Variants in LRMDA observed in about 807,000 individuals in gnomAD.
LRMDA encodes leucine-rich melanocyte differentiation-associated protein.
In LRMDA, 18 loss-of-function variants were observed where a neutral mutation model predicts 29.8. That is an observed-to-expected ratio of 0.60 (90% CI 0.42 to 0.90). The LOEUF (loss-of-function observed/expected upper bound fraction) is 0.90. Among genes scored for constraint, LRMDA ranks in the 40% least tolerant of loss-of-function variants. The pLI is 0.00. For missense variants in LRMDA, 273 were observed against 273.9 expected (o/e 1.00, Z 0.02); for synonymous variants, 125 against 109.4 (o/e 1.14, Z -0.89).
chr10:76,234,436 A>G lies in LRMDA; in HGVS notation c.517-89965A>G, dbSNP rs146912381. 2.0e-3 allele frequency among the ~76,000 whole-genome samples: 309 copies of G among 152,324 alleles called. 5 individuals are homozygous for G. Among genetic ancestry groups the G allele is most frequent in the African/African-American group, 6.7e-3 (280 of 41,586 alleles). On this transcript the variant is annotated intron_variant, in intron 5 of 6. Transcript: ENST00000611255. ...AGAATTTTTGGAATGATAAATGAACATTGGCTTCAACTTAAAGTCGCCAGA... is the reference window on the plus strand; with the variant it reads ...AGAATTTTTGGAATGATAAATGAACGTTGGCTTCAACTTAAAGTCGCCAGA...
intron 5 of LRMDA, among the ~76,000 whole-genome samples, chr10:76,109,872 C>T (rs1849548613): frequency 6.6e-6 from 1 of 152,156 alleles, no homozygotes; most frequent in African/African-American, 2.4e-5. Context: ...CCTGGCCACT[C>T]TTACATCACC....
chr10:76,026,250 G>C (rs748843571), intron 2 of LRMDA, among the ~76,000 whole-genome samples: 1 of 152,322 alleles, frequency 6.6e-6, no homozygotes, highest in Non-Finnish European at 1.5e-5. Context: ...AGGATGTGGC[G>C]ATGGTGAATT....
chr10:76,363,276 A>AAGGAAGGAAGGAAGG (rs1218743181), intron 6 of LRMDA, among the ~76,000 whole-genome samples: 5 of 58,870 alleles, frequency 8.5e-5, no homozygotes, highest in East Asian at 3.7e-4. Flanking sequence ...GGAAGGAAGG[A>AAGGAAGGAAGGAAGG]AAGGAAGGAA....
intron 2 of LRMDA, among the ~76,000 whole-genome samples, chr10:75,557,388 A>T (rs1169752672): frequency 6.6e-6 from 1 of 151,974 alleles, no homozygotes; most frequent in Non-Finnish European, 1.5e-5. Flanking sequence ...ATATTAATGG[A>T]CTAAACACCC....
At chr10:75,868,396 C>A (rs1292652314) in intron 2 of LRMDA, among the ~76,000 whole-genome samples, 2 of 152,136 alleles carry the variant, frequency 1.3e-5, no homozygotes, top group Non-Finnish European at 2.9e-5. Flanking sequence ...TATATTTTCA[C>A]TGTCTGTATT....
At chr10:76,546,769 C>CTGTT (rs145839028) in intron 6 of LRMDA, among the ~76,000 whole-genome samples, 15 of 152,036 alleles carry the variant, frequency 9.9e-5, no homozygotes, top group East Asian at 5.8e-4. Flanking sequence ...ACCTTTATTG[C>CTGTT]TGTTTGTTTG....
At chr10:76,377,833 T>C (rs1841540291) in intron 6 of LRMDA, among the ~76,000 whole-genome samples, 1 of 152,204 alleles carries the variant, frequency 6.6e-6, no homozygotes, top group Non-Finnish European at 1.5e-5. Context: ...CTTTTTTCTT[T>C]TTGCTTAGGA....
chr10:75,726,641 C>T (rs1842634416), intron 2 of LRMDA, among the ~76,000 whole-genome samples: 1 of 152,192 alleles, frequency 6.6e-6, no homozygotes, highest in African/African-American at 2.4e-5. Context: ...TGGTAAAACT[C>T]ATGATACAGA....
At chr10:76,456,114 G>A (rs544631864) in intron 6 of LRMDA, among the ~76,000 whole-genome samples, 115 of 152,090 alleles carry the variant, frequency 7.6e-4, no homozygotes, top group Non-Finnish European at 1.2e-3. Flanking sequence ...GAAAATAGTC[G>A]TTCGGTCTCC....
At chr10:75,709,370 G>A (rs116332351) in intron 2 of LRMDA, among the ~76,000 whole-genome samples, 23 of 151,980 alleles carry the variant, frequency 1.5e-4, no homozygotes, top group Admixed American at 1.3e-4. Context: ...CTGTGTGTGC[G>A]TGCATGCGTA....
chr10:76,297,664 C>T (rs1840428199), intron 5 of LRMDA, among the ~76,000 whole-genome samples: 1 of 152,120 alleles, frequency 6.6e-6, no homozygotes, highest in African/African-American at 2.4e-5. Flanking sequence ...AAAGTAGAAT[C>T]CTAAATATGG....
At chr10:75,748,180 G>A (rs2132216158) in intron 2 of LRMDA, among the ~76,000 whole-genome samples, 1 of 152,034 alleles carries the variant, frequency 6.6e-6, no homozygotes, top group Middle Eastern at 3.4e-3. Context: ...TGCAACCTCT[G>A]CCTCCCAGGT....
At chr10:75,939,745 T>C (rs533784031) in intron 2 of LRMDA, among the ~76,000 whole-genome samples, 10 of 152,302 alleles carry the variant, frequency 6.6e-5, no homozygotes, top group African/African-American at 2.2e-4. Flanking sequence ...AGATCCGGAC[T>C]TTGGGCTGGG....
intron 2 of LRMDA, among the ~76,000 whole-genome samples, chr10:75,878,748 G>A (rs1466733293): frequency 6.6e-6 from 1 of 152,040 alleles, no homozygotes; most frequent in African/African-American, 2.4e-5. Context: ...GCACTTCCCT[G>A]CCCCCTCCTG....
intron 2 of LRMDA, among the ~76,000 whole-genome samples, chr10:75,571,566 A>G (rs1564803781): frequency 6.6e-6 from 1 of 152,166 alleles, no homozygotes. Flanking sequence ...TTAGGATCCC[A>G]TTCCCCTTGC....
At chr10:75,867,678 C>A (rs1845043767) in intron 2 of LRMDA, among the ~76,000 whole-genome samples, 1 of 152,160 alleles carries the variant, frequency 6.6e-6, no homozygotes, top group South Asian at 2.1e-4. Context: ...CCCATTTTTA[C>A]AAGCAAGATA....
At chr10:75,585,646 A>AT (rs1840647229) in intron 2 of LRMDA, among the ~76,000 whole-genome samples, 1 of 152,178 alleles carries the variant, frequency 6.6e-6, no homozygotes, top group Admixed American at 6.5e-5. Context: ...GGCACTATTT[A>AT]TTTATTTATT....
At chr10:75,858,055 C>T (rs1844857436) in intron 2 of LRMDA, among the ~76,000 whole-genome samples, 1 of 152,172 alleles carries the variant, frequency 6.6e-6, no homozygotes, top group African/African-American at 2.4e-5. Flanking sequence ...GAAGAAGGGT[C>T]CCGAGTGCAG....
chr10:76,514,218 C>G lies in LRMDA; in HGVS notation c.602-42991C>G, dbSNP rs140677340. Among the ~76,000 whole-genome samples the G allele has an allele frequency of 5.3e-5, 8 of 152,266 alleles. No individual in the cohort carries two copies. The East Asian group carries it at 1.5e-3, about 29-fold the overall frequency. On this transcript the variant is annotated intron_variant, in intron 6 of 6. Coordinates refer to ENST00000611255, the MANE Select transcript of LRMDA (RefSeq NM_001305581.2). ...GAGGCACAGTAGGACTCAGCAAATG[C>G]AGCTCAAAATACATGCTAACCTGCA...
Sources: gnomAD v4.1 joint callset for allele counts (sites outside exome capture counted in the v4.1 genomes callset) on GRCh38, gnomAD v4.1.1 for gene constraint, MANE v1.5 for transcripts, NCBI Gene and HGNC (gene_info 2026-07-23, HGNC 2026-07-21) for gene names.